The following SLC29A3 variants were observed in gnomAD, a reference collection of about 807,000 sequenced individuals.
SLC29A3 encodes equilibrative nucleoside transporter 3.
Under a neutral mutation model 25.4 loss-of-function variants are expected in SLC29A3, and 18 were observed. That is an observed-to-expected ratio of 0.71 (90% confidence interval 0.49 to 1.05). The LOEUF is 1.05. Ranked by LOEUF, SLC29A3 falls within the 50% of genes least tolerant of loss-of-function variation. The probability of loss-of-function intolerance (pLI) is 0.00; values close to 1 mark genes in which losing one functional copy is unlikely to be tolerated. For synonymous variants in SLC29A3, 258 were observed against 267.1 expected, an observed-to-expected ratio of 0.97 and a Z score of 0.33; for missense variants, 586 against 609.0, an observed-to-expected ratio of 0.96 and a Z score of 0.40.
chr10:71,330,190 AG>A (rs1049554199), intron 2 of SLC29A3, among the ~76,000 whole-genome samples: 1 of 152,222 alleles, frequency 6.6e-6, no homozygotes, highest in African/African-American at 2.4e-5. Flanking sequence ...GGATATAGTT[AG>A]GAGATGGGGG....
At position 71,362,131 on chromosome 10, in the gene SLC29A3, C is replaced by T; in HGVS notation, c.951C>T (p.Phe317=). The T allele has an allele frequency of 6.2e-7, 1 of 1,614,126 alleles. No individual in the cohort carries two copies. Among genetic ancestry groups the T allele is most frequent in the Non-Finnish European group, 8.5e-7 (1 of 1,179,994 alleles). The change falls in exon 6 of 6, where the codon TTC becomes TTT. Residue 317 remains phenylalanine, a synonymous_variant. Coordinates refer to ENST00000373189, the MANE Select transcript of SLC29A3 (RefSeq NM_018344.6). The part of the protein sequence containing the change: ...SLGFCVTYVF[F]ITSLIYPAIC... Reference sequence around the variant, plus strand: ...GCTTCTGTGTCACCTACGTCTTCTTCATCACCAGCCTCATCTACCCCGCCA... The same window carrying T: ...GCTTCTGTGTCACCTACGTCTTCTTTATCACCAGCCTCATCTACCCCGCCA...
At chr10:71,376,223 C>A (rs1847250786) in intron 4 of SLC29A3, among the ~76,000 whole-genome samples, 1 of 152,232 alleles carries the variant, frequency 6.6e-6, no homozygotes, top group Admixed American at 6.5e-5. Context: ...AGAACTATTG[C>A]TTATTGAAAC....
Position 71,362,647 on chromosome 10 carries a change from G to T in SLC29A3, c.*39G>T. 6.2e-7 allele frequency: 1 copy of T among 1,613,372 alleles called. No homozygotes were observed. Among genetic ancestry groups the T allele is most frequent in the African/African-American group, 1.3e-5 (1 of 75,046 alleles). ...AGGACATTGGTGCTTCAGAGCCTTTGAAGATGAGAAGAGAGTGCAGGAGGG... is the reference window on the plus strand; with the variant it reads ...AGGACATTGGTGCTTCAGAGCCTTTTAAGATGAGAAGAGAGTGCAGGAGGG... On this transcript the variant is annotated 3_prime_UTR_variant, in exon 6 of 6. Transcript: ENST00000373189.
chr10:71,359,897 G>A (rs561309838), intron 5 of SLC29A3, among the ~76,000 whole-genome samples: 2 of 152,334 alleles, frequency 1.3e-5, no homozygotes, highest in South Asian at 4.1e-4. Flanking sequence ...GACCCAGAGA[G>A]GTTGAGTGGC....
intron 3 of SLC29A3, chr10:71,375,689 TC>T (rs1847246399): frequency 6.6e-6 from 1 of 152,198 alleles, no homozygotes; most frequent in Non-Finnish European, 1.5e-5. Flanking sequence ...ATTATTCATT[TC>T]ATAGGCAAGG....
chr10:71,356,341 G>T, intron 5 of SLC29A3, 98 bp downstream of exon 5: 2 of 1,465,886 alleles, frequency 1.4e-6, no homozygotes, highest in Non-Finnish European at 1.9e-6. Flanking sequence ...TCTTTGTCTA[G>T]GTGCTATGGC....
At chr10:71,377,366 C>G (rs1298692150) in intron 4 of SLC29A3, among the ~76,000 whole-genome samples, 2 of 152,268 alleles carry the variant, frequency 1.3e-5, no homozygotes, top group East Asian at 3.8e-4. Flanking sequence ...CAACTCATGG[C>G]TATGCCGAGC....
intron 4 of SLC29A3, among the ~76,000 whole-genome samples, chr10:71,354,552 T>G (rs1270902801): frequency 6.6e-6 from 1 of 152,188 alleles, no homozygotes; most frequent in African/African-American, 2.4e-5. Context: ...GTGCGCACGG[T>G]GGACGGGGCC....
intron 5 of SLC29A3, among the ~76,000 whole-genome samples, chr10:71,357,110 T>A (rs1432765651): frequency 6.6e-6 from 1 of 151,658 alleles, no homozygotes; most frequent in East Asian, 2.0e-4. Flanking sequence ...CACACCCAGC[T>A]ATTTTTTAAA....
rs1055604345 is a variant in SLC29A3, at chr10:71,363,252, G to A, written c.*644G>A. 4.4e-6 allele frequency: 2 copies of A among 453,832 alleles called. No homozygotes were observed. Among genetic ancestry groups the A allele is most frequent in the African/African-American group, 2.0e-5 (1 of 49,976 alleles). 28.1% of individuals were successfully genotyped at this position (453,832 alleles called of 1,614,324 possible). A position where few individuals can be genotyped will look rare whatever the true frequency, so the allele number is the denominator to read the frequency against. On this transcript the variant is annotated 3_prime_UTR_variant, in exon 6 of 6. Transcript: ENST00000373189. ...CAAGGGATCAAGCATGTCTGGCCTG[G>A]GTTTTCAAAAAAAGAGGGATCCTCA...
In SLC29A3 at chr10:71,362,526, C is replaced by G. The variant is rs267607058; in HGVS notation, c.1346C>G (p.Thr449Arg). Residue 449 changes from threonine to arginine, a missense_variant, in exon 6 of 6, where the codon ACG (threonine) becomes AGG (arginine). Transcript: ENST00000373189. ...KIVPRELAEA[T>R]GVVMSFYVCL... The stretch of plus-strand genomic sequence containing the variant: ...GTGCCCAGGGAGCTGGCTGAGGCCA[C>G]GGGAGTGGTGATGTCCTTTTATGTG... The G allele has an allele frequency of 3.7e-6, 6 of 1,614,146 alleles. No homozygotes were observed. In the South Asian group the frequency reaches 6.6e-5, roughly 18 times the overall value.
intron 2 of SLC29A3, 50 bp from the exon 3 acceptor site, chr10:71,344,159 C>T: frequency 7.0e-7 from 1 of 1,438,488 alleles, no homozygotes; most frequent in South Asian, 1.1e-5. Flanking sequence ...TGGAACTGCT[C>T]ACCTCCATCC....
chr10:71,379,574 A>C (rs916005813), intron 4 of SLC29A3, among the ~76,000 whole-genome samples: 1 of 152,162 alleles, frequency 6.6e-6, no homozygotes, highest in Non-Finnish European at 1.5e-5. Flanking sequence ...GCTCTGAAGC[A>C]ACTAATAGGC....
Position 71,322,996 on chromosome 10 carries a change from A to G in SLC29A3, c.242A>G (p.Lys81Arg), listed in dbSNP as rs1470448032. 1.2e-6 allele frequency: 2 copies of G among 1,613,942 alleles called. No homozygotes were observed. Among genetic ancestry groups the G allele is most frequent in the Non-Finnish European group, 1.7e-6 (2 of 1,180,054 alleles). Residue 81 changes from lysine to arginine, a missense_variant, in exon 2 of 6, where the codon AAA becomes AGA. Transcript: ENST00000373189. Reference sequence around the variant, plus strand: ...ACTGCCAAGGAGTACTGGATGTTCAAACTCCGCAACTCCTCCAGCCCAGCC... The same window carrying G: ...ACTGCCAAGGAGTACTGGATGTTCAGACTCCGCAACTCCTCCAGCCCAGCC... ...FITAKEYWMF[K>R]LRNSSSPATG...
At chr10:71,353,460 A>G (rs1011731902) in intron 4 of SLC29A3, among the ~76,000 whole-genome samples, 1 of 152,110 alleles carries the variant, frequency 6.6e-6, no homozygotes, top group Non-Finnish European at 1.5e-5. Context: ...CAGTGACCAA[A>G]CTCACCATTT....
chr10:71,379,355 C>T (rs1847285183), intron 4 of SLC29A3, among the ~76,000 whole-genome samples: 1 of 152,218 alleles, frequency 6.6e-6, no homozygotes, highest in Non-Finnish European at 1.5e-5. Context: ...GCTAAAGTTC[C>T]ATGGCACTAA....
Position 71,377,486 on chromosome 10 carries a change from G to A in SLC29A3, c.*211+1675G>A, listed in dbSNP as rs1035355656. Among the ~76,000 whole-genome samples, 5 of 119,456 alleles carry A rather than the reference G, an allele frequency of 4.2e-5. No homozygotes were observed. In the South Asian group the frequency reaches 1.1e-3, roughly 27 times the overall value. The allele number at this position is 119,456 out of a possible 152,430, so 78.4% of individuals were successfully genotyped here. ...CGGCCACGAAATAGATGGCCGCGAG[G>A]GCTTCCGGGAGCCGCGGGGCAGGCC... On this transcript the variant is annotated intron_variant and NMD_transcript_variant, in intron 4 of 4. Transcript: ENST00000642772.
At chr10:71,353,318 C>T (rs1173497063) in intron 4 of SLC29A3, among the ~76,000 whole-genome samples, 1 of 152,206 alleles carries the variant, frequency 6.6e-6, no homozygotes, top group Non-Finnish European at 1.5e-5. Flanking sequence ...GCGATGCTTT[C>T]AAACGGGCAT....
chr10:71,329,457 CAAAAA>C, intron 2 of SLC29A3, among the ~76,000 whole-genome samples: 1 of 120,480 alleles, frequency 8.3e-6, no homozygotes, highest in Admixed American at 9.3e-5. Context: ...GACTCTGTCT[CAAAAA>C]AAAAAAAAAA....
Sources: allele counts gnomAD v4.1 joint callset (sites outside exome capture counted in the v4.1 genomes callset), GRCh38; gene constraint gnomAD v4.1.1; transcripts MANE v1.5; gene names NCBI Gene and HGNC (gene_info 2026-07-23, HGNC 2026-07-21).